PCDHGA1: variants seen among roughly 807,000 people sequenced by gnomAD.
PCDHGA1 encodes protocadherin gamma subfamily A, 1.
A neutral mutation model predicts 58.0 loss-of-function variants in PCDHGA1; 32 were observed. The ratio of observed to expected loss-of-function variants is 0.55; its 90% confidence interval spans 0.42 to 0.74. The LOEUF (loss-of-function observed/expected upper bound fraction) is 0.74, where lower values mean the gene tolerates loss of function less well. Ranked by LOEUF, PCDHGA1 falls within the 30% of genes least tolerant of loss-of-function variation. The pLI is 0.00. For missense variants in PCDHGA1, 1,205 were observed against 1,182.3 expected (o/e 1.02, Z -0.28); for synonymous variants, 498 against 501.1 (o/e 0.99, Z 0.08).
In PCDHGA1 at chr5:141,384,330, G is replaced by A. The variant is rs758151138; in HGVS notation, c.2421+51225G>A. 44 of 1,613,830 alleles carry A rather than the reference G, an allele frequency of 2.7e-5. No individual in the cohort carries two copies. The African/African-American group carries it at 2.8e-4, about 10-fold the overall frequency. On this transcript the variant is annotated intron_variant, in intron 1 of 3. Coordinates refer to ENST00000517417, the MANE Select transcript of PCDHGA1 (RefSeq NM_018912.3). ...CCTCCATTTTCTTAGTGACTGCACA[G>A]GACCACGACAGTGAGGATAATGCCC...
rs1021096537 is a variant in PCDHGA1, at chr5:141,511,383, T to C, written c.*210T>C. 2 of 1,155,330 alleles carry C rather than the reference T, an allele frequency of 1.7e-6. No homozygotes were observed. Among genetic ancestry groups the C allele is most frequent in the Non-Finnish European group, 2.4e-6 (2 of 841,000 alleles). The allele number at this position is 1,155,330 out of a possible 1,614,324, so 71.6% of individuals were successfully genotyped here. ...GTTGAATATGCAAAAGCAGTTCCGC[T>C]GGGAACCCCCATCCAATCAACTGCT... is the stretch of plus-strand genomic sequence containing the variant. On this transcript the variant is annotated 3_prime_UTR_variant, in exon 4 of 4. Transcript: ENST00000517417.
chr5:141,386,398 C>T (rs904703549), intron 1 of PCDHGA1, among the ~76,000 whole-genome samples: 2 of 151,972 alleles, frequency 1.3e-5, no homozygotes, highest in South Asian at 2.1e-4. Flanking sequence ...ACACTTTTAG[C>T]CAGGTATGGT....
intron 1 of PCDHGA1, among the ~76,000 whole-genome samples, chr5:141,347,719 AG>A (rs1312909690): frequency 2.6e-5 from 4 of 151,964 alleles, no homozygotes; most frequent in African/African-American, 9.7e-5. Flanking sequence ...CCCAGGAGGC[AG>A]AAGTTGCAGA....
intron 2 of PCDHGA1, among the ~76,000 whole-genome samples, chr5:141,500,189 TTTATTTATTTA>T (rs1562193895): frequency 9.9e-5 from 11 of 110,956 alleles, no homozygotes; most frequent in Middle Eastern, 4.3e-3. Flanking sequence ...TTTATTTTTA[TTTATTTATTTA>T]TTTATTTATT....
At position 141,431,763 on chromosome 5, in the gene PCDHGA1, T is replaced by C; in HGVS notation, c.2422-63044T>C. On this transcript the variant is annotated intron_variant, in intron 1 of 3. Transcript: ENST00000517417. The surrounding 1 kb of genome is among the most constrained non-coding windows in gnomAD (Gnocchi z 4.8). ...TATTCTGCGCGAGCCAAAGTCCTGA[T>C]CACTGTTCTGGACGTGAACGACAAT... 1 of 1,614,230 alleles carries C rather than the reference T, an allele frequency of 6.2e-7. No individual in the cohort carries two copies. Among genetic ancestry groups the C allele is most frequent in the Non-Finnish European group, 8.5e-7 (1 of 1,180,030 alleles).
intron 1 of PCDHGA1, chr5:141,345,386 C>A: frequency 6.2e-7 from 1 of 1,614,122 alleles, no homozygotes; most frequent in Non-Finnish European, 8.5e-7. Context: ...ACCCACCCAC[C>A]TTCCCTCATT....
At chr5:141,479,476 G>A (rs1481785254) in intron 1 of PCDHGA1, 1 of 152,250 alleles carries the variant, frequency 6.6e-6, no homozygotes, top group African/African-American at 2.4e-5. Context: ...CCTCTTGGGA[G>A]GGCAGGACCA....
intron 1 of PCDHGA1, chr5:141,375,404 A>T: frequency 1.2e-6 from 2 of 1,613,912 alleles, no homozygotes; most frequent in South Asian, 1.1e-5. Flanking sequence ...CATCTCTCTA[A>T]ATGTGGCAGA....
rs143939286 is a variant in PCDHGA1 at position 141,427,522 on chromosome 5, T to C, written c.2422-67285T>C. 6.1e-3 allele frequency: 3,716 copies of C among 607,796 alleles called. 27 individuals are homozygous for C. The highest frequency in any genetic ancestry group is 8.8e-3 in the Non-Finnish European group (2,868 of 324,656). The allele number at this position is 607,796 out of a possible 1,614,324, so 37.7% of individuals were successfully genotyped here. A position where few individuals can be genotyped will look rare whatever the true frequency, so the allele number is the denominator to read the frequency against. On this transcript the variant is annotated intron_variant, in intron 1 of 3. Transcript: ENST00000517417. ...GATGGGACCCTGGATTGGGAGCGGATCCCGGAGTACAACGTCACCATCACT... is the reference window on the plus strand; with the variant it reads ...GATGGGACCCTGGATTGGGAGCGGACCCCGGAGTACAACGTCACCATCACT...
At chr5:141,401,861 G>T (rs934405271) in intron 1 of PCDHGA1, among the ~76,000 whole-genome samples, 1 of 152,122 alleles carries the variant, frequency 6.6e-6, no homozygotes, top group African/African-American at 2.4e-5. Flanking sequence ...TAACCTTTCA[G>T]TAGTTTTCTT....
chr5:141,384,283 G>C (rs762515266), intron 1 of PCDHGA1: 19 of 1,613,644 alleles, frequency 1.2e-5, no homozygotes, highest in South Asian at 2.2e-5. Flanking sequence ...AGTCTACATC[G>C]CTGAGAACAA....
chr5:141,415,740 GTTTTTTTTTTTT>G lies in PCDHGA1; in HGVS notation c.2422-79046_2422-79035del, dbSNP rs57426385. ...TGAGTAGAATTTGATGTTTATTAAGGTTTTTTTTTTTTTTTTTTTTTTTTTTTTTTTTACTTT... is the reference window on the plus strand; with the variant it reads ...TGAGTAGAATTTGATGTTTATTAAGGTTTTTTTTTTTTTTTTTTTTACTTT... On this transcript the variant is annotated intron_variant, in intron 1 of 3. Transcript: ENST00000517417. The G allele has an allele frequency of 5.3e-4, 329 of 624,896 alleles. 2 individuals are homozygous for G. Among genetic ancestry groups the G allele is most frequent in the African/African-American group, 1.2e-3 (49 of 39,888 alleles). The allele number at this position is 624,896 out of a possible 1,614,324, so 38.7% of individuals were successfully genotyped here.
intron 1 of PCDHGA1, chr5:141,478,198 A>G (rs1393603398): frequency 6.2e-7 from 1 of 1,613,864 alleles, no homozygotes; most frequent in East Asian, 2.2e-5. Flanking sequence ...CCTTTTATCT[A>G]CTTCTTTCTC....
intron 1 of PCDHGA1, among the ~76,000 whole-genome samples, chr5:141,483,310 A>G (rs2099579870): frequency 6.6e-6 from 1 of 152,156 alleles, no homozygotes; most frequent in African/African-American, 2.4e-5. Context: ...GACTGGGGAC[A>G]TTGGGACTGG....
At position 141,431,260 on chromosome 5, in the gene PCDHGA1, G is replaced by A. The variant is rs762250032; in HGVS notation, c.2422-63547G>A. The A allele has an allele frequency of 6.2e-7, 1 of 1,614,170 alleles. No individual in the cohort carries two copies. The highest frequency in any genetic ancestry group is 2.2e-5 in the East Asian group (1 of 44,892). On this transcript the variant is annotated intron_variant, in intron 1 of 3. Coordinates refer to ENST00000517417, the MANE Select transcript of PCDHGA1 (RefSeq NM_018912.3). The surrounding 1 kb of genome is among the most constrained non-coding windows in gnomAD (Gnocchi z 4.8). The stretch of plus-strand genomic sequence containing the variant: ...ATCCGGATATCGGGAAGAACTCTCT[G>A]CAGAGCTACGAGCTCAGCCCGAACA...
At chr5:141,342,109 C>T (rs967210285) in intron 1 of PCDHGA1, 1 of 37,888 alleles carries the variant, frequency 2.6e-5, no homozygotes, top group Non-Finnish European at 6.5e-5. Context: ...ACAGGTTTCT[C>T]CTTTTTTTTT....
intron 1 of PCDHGA1, chr5:141,400,399 A>G: frequency 6.2e-7 from 1 of 1,614,054 alleles, no homozygotes; most frequent in Non-Finnish European, 8.5e-7. Context: ...TACAGGAAAG[A>G]CGGAGTTTAA....
intron 1 of PCDHGA1, chr5:141,403,838 G>C: frequency 6.2e-7 from 1 of 1,613,710 alleles, no homozygotes; most frequent in Non-Finnish European, 8.5e-7. Context: ...CCAGCTTAAT[G>C]AAAATACTGG....
intron 1 of PCDHGA1, among the ~76,000 whole-genome samples, chr5:141,438,598 AT>A (rs1433028092): frequency 6.7e-5 from 2 of 29,776 alleles, no homozygotes; most frequent in Non-Finnish European, 1.4e-4. Context: ...ATACATATAT[AT>A]ATATATATAT....
Sources: gnomAD v4.1 joint callset for allele counts (sites outside exome capture counted in the v4.1 genomes callset) on GRCh38, gnomAD v4.1.1 for gene constraint, Gnocchi (gnomAD v3.1) non-coding constraint, MANE v1.5 for transcripts, NCBI Gene and HGNC (gene_info 2026-07-23, HGNC 2026-07-21) for gene names.